Variants in RNF130 observed in about 807,000 individuals in gnomAD.
The protein encoded by RNF130 is ring finger protein 130, also known as E3 ubiquitin-protein ligase RNF130.
In RNF130, 21 loss-of-function variants were observed where a neutral mutation model predicts 44.6. That is an observed-to-expected ratio of 0.47 (90% CI 0.33 to 0.68). The LOEUF is 0.68. Ranked by LOEUF, RNF130 falls within the 30% of genes least tolerant of loss-of-function variation. The probability of loss-of-function intolerance (pLI) is 0.02; values close to 1 mark genes in which losing one functional copy is unlikely to be tolerated. For synonymous variants in RNF130, 214 were observed against 210.4 expected (o/e 1.02, Z -0.15); for missense variants, 479 against 560.6 (o/e 0.85, Z 1.47).
At chr5:179,913,357 C>CT (rs200033770) in exon 8 of RNF130, 1,813 of 145,208 alleles carry the variant, frequency 0.012, 45 homozygotes, top group African/African-American at 0.042. Flanking sequence ...TTCAAAGGTG[C>CT]TTTTTTTTTT....
chr5:179,981,547 ATC>A (rs1331351230), intron 3 of RNF130, among the ~76,000 whole-genome samples: 1 of 152,222 alleles, frequency 6.6e-6, no homozygotes. Context: ...TCTATTTTTC[ATC>A]TGTTTCCCTC....
intron 1 of RNF130, among the ~76,000 whole-genome samples, chr5:180,058,247 G>A (rs766799533): frequency 3.3e-5 from 5 of 152,142 alleles, no homozygotes; most frequent in Non-Finnish European, 7.4e-5. Flanking sequence ...ACATCAGTGT[G>A]TTCATTCTGT....
Position 180,071,576 on chromosome 5 carries a change from C to A in RNF130, c.127G>T (p.Val43Leu). The change falls in exon 1 of 9, where the codon GTG becomes TTG. Residue 43 changes from valine (V) to leucine (L), a missense_variant. By Grantham distance (32) the Val-to-Leu change is conservative. Coordinates refer to ENST00000521389, the MANE Select transcript of RNF130 (RefSeq NM_018434.6). ...EYYTALINVTVQEPGRGAPLT... is the reference protein window; with the variant it reads ...EYYTALINVTLQEPGRGAPLT... Reference sequence around the variant, plus strand: ...GGGGCGCCGCGGCCGGGCTCCTGCACCGTCACGTTGATGAGCGCCGTGTAG... The same window carrying A: ...GGGGCGCCGCGGCCGGGCTCCTGCAACGTCACGTTGATGAGCGCCGTGTAG... The A allele has an allele frequency of 6.7e-7, 1 of 1,486,488 alleles. No homozygotes were observed. Among genetic ancestry groups the A allele is most frequent in the Non-Finnish European group, 9.0e-7 (1 of 1,114,376 alleles). The allele number at this position is 1,486,488 out of a possible 1,614,324, so 92.1% of individuals were successfully genotyped here. A position where few individuals can be genotyped will look rare whatever the true frequency, so the allele number is the denominator to read the frequency against.
intron 3 of RNF130, among the ~76,000 whole-genome samples, chr5:180,010,238 A>C (rs1306317409): frequency 8.4e-6 from 1 of 119,034 alleles, no homozygotes; most frequent in Admixed American, 9.8e-5. Flanking sequence ...CAGTGAGACT[A>C]CATCTCAAAA....
chr5:179,965,342 G>C (rs1050452954), intron 7 of RNF130, among the ~76,000 whole-genome samples: 1 of 152,238 alleles, frequency 6.6e-6, no homozygotes, highest in Non-Finnish European at 1.5e-5. Flanking sequence ...CAGGGCTTCG[G>C]AGGGAAAGCA....
At chr5:180,063,888 G>A (rs1007530039) in intron 1 of RNF130, among the ~76,000 whole-genome samples, 9 of 152,140 alleles carry the variant, frequency 5.9e-5, no homozygotes. Flanking sequence ...GGAAAAAGAG[G>A]TGATTTCATG....
At chr5:180,038,981 A>T (rs1313175428) in intron 2 of RNF130, among the ~76,000 whole-genome samples, 2 of 152,188 alleles carry the variant, frequency 1.3e-5, no homozygotes, top group Non-Finnish European at 2.9e-5. Context: ...GAGGAAAGCA[A>T]ACCGGCACCT....
At chr5:180,013,883 G>A (rs921502398) in intron 2 of RNF130, among the ~76,000 whole-genome samples, 18 of 152,218 alleles carry the variant, frequency 1.2e-4, no homozygotes, top group Admixed American at 5.2e-4. Context: ...CACTGAGACA[G>A]GGGACACACA....
intron 7 of RNF130, among the ~76,000 whole-genome samples, chr5:179,924,248 C>T (rs552841628): frequency 1.4e-4 from 22 of 152,202 alleles, no homozygotes; most frequent in African/African-American, 5.3e-4. Flanking sequence ...GTAATCCCAG[C>T]ACTTTGGGAG....
In RNF130 at chr5:180,059,730, A is replaced by G. The variant is rs185254653; in HGVS notation, c.247+11726T>C. Among the ~76,000 whole-genome samples, 19 of 152,338 alleles carry G rather than the reference A, an allele frequency of 1.2e-4. No individual in the cohort carries two copies. The East Asian group carries it at 3.5e-3, about 28-fold the overall frequency. ...ATTAGGGTCCTGCTAAGCCTTAGAA[A>G]AATTTCACAAATGATTACTGAAGGA... On this transcript the variant is annotated intron_variant, in intron 1 of 8. Coordinates refer to ENST00000521389, the MANE Select transcript of RNF130 (RefSeq NM_018434.6).
At chr5:179,975,246 G>A (rs1313496575) in intron 5 of RNF130, among the ~76,000 whole-genome samples, 1 of 152,276 alleles carries the variant, frequency 6.6e-6, no homozygotes, top group Non-Finnish European at 1.5e-5. Context: ...TGAGCGCGAA[G>A]GCGCAGCTGC....
chr5:180,042,113 G>C (rs955832984), intron 1 of RNF130, among the ~76,000 whole-genome samples: 5 of 152,254 alleles, frequency 3.3e-5, no homozygotes, highest in South Asian at 2.1e-4. Flanking sequence ...GAAAATGTTG[G>C]CTTTCTACAC....
chr5:180,026,961 A>C (rs1386245171), intron 2 of RNF130, among the ~76,000 whole-genome samples: 1 of 152,208 alleles, frequency 6.6e-6, no homozygotes. Context: ...GGAGGCACAG[A>C]GAGGGCTCTG....
At chr5:179,952,714 A>G (rs1306092912), downstream of RNF130, among the ~76,000 whole-genome samples, 1 of 152,236 alleles carries the variant, frequency 6.6e-6, no homozygotes, top group Non-Finnish European at 1.5e-5. Flanking sequence ...CACCACATTC[A>G]TAGGATAGAA....
intron 2 of RNF130, among the ~76,000 whole-genome samples, chr5:180,018,773 T>C (rs951352858): frequency 6.6e-6 from 1 of 152,212 alleles, no homozygotes; most frequent in African/African-American, 2.4e-5. Flanking sequence ...TCCTGCCAGC[T>C]ACAAAAGAAT....
chr5:179,928,634 T>C (rs1455681011), intron 7 of RNF130, among the ~76,000 whole-genome samples: 6 of 136,584 alleles, frequency 4.4e-5, no homozygotes, highest in Admixed American at 3.4e-4. Flanking sequence ...TGTTGTTGTT[T>C]TTTTTTTTTT....
chr5:180,003,510 T>C (rs1327362398), intron 3 of RNF130, among the ~76,000 whole-genome samples: 1 of 152,236 alleles, frequency 6.6e-6, no homozygotes. Flanking sequence ...ACCTTCACTG[T>C]AATTTTTCTT....
exon 8 of RNF130, chr5:179,916,489 T>C (rs934413790): frequency 2.0e-5 from 3 of 152,234 alleles, no homozygotes; most frequent in Admixed American, 6.5e-5. Context: ...AATGTCAAGC[T>C]TGTAAAATTC....
intron 7 of RNF130, among the ~76,000 whole-genome samples, chr5:179,937,382 C>A (rs1761907294): frequency 6.6e-6 from 1 of 152,084 alleles, no homozygotes; most frequent in South Asian, 2.1e-4. Context: ...AAAAAATGGG[C>A]AAAGGACTTA....
Sources: gnomAD v4.1 joint callset for allele counts (sites outside exome capture counted in the v4.1 genomes callset) on GRCh38, gnomAD v4.1.1 for gene constraint, MANE v1.5 for transcripts, NCBI Gene and HGNC (gene_info 2026-07-23, HGNC 2026-07-21) for gene names.